Variants in USH2A observed in about 807,000 individuals in gnomAD.
USH2A encodes the protein Usher syndrome 2A (autosomal recessive, mild).
A neutral mutation model predicts 538.9 loss-of-function variants in USH2A; 443 were observed. That is an observed-to-expected ratio of 0.82 (90% confidence interval 0.76 to 0.89). The LOEUF (loss-of-function observed/expected upper bound fraction) is 0.89, where lower values mean the gene tolerates loss of function less well. USH2A is among the 40% of genes least tolerant of loss of function. USH2A has a pLI of 0.00. For missense variants in USH2A, 6,633 were observed against 6,324.8 expected (o/e 1.05, Z -1.65); for synonymous variants, 2,413 against 2,273.5 (o/e 1.06, Z -1.75).
chr1:216,140,568 C>A (rs755430773), intron 21 of USH2A, among the ~76,000 whole-genome samples: 1 of 152,184 alleles, frequency 6.6e-6, no homozygotes, highest in African/African-American at 2.4e-5. Flanking sequence ...CCAATTTGAT[C>A]TCATGTTTTG....
intron 3 of USH2A, among the ~76,000 whole-genome samples, chr1:216,388,757 A>G (rs1030511982): frequency 5.3e-5 from 8 of 152,364 alleles, no homozygotes; most frequent in Admixed American, 4.6e-4. Flanking sequence ...TCAGCAGTCC[A>G]ATAGCAACTT....
chr1:215,764,705 T>C (rs1320223318), intron 56 of USH2A, among the ~76,000 whole-genome samples: 5 of 152,144 alleles, frequency 3.3e-5, no homozygotes, highest in Non-Finnish European at 7.4e-5. Flanking sequence ...ACTTCGAAAA[T>C]GGCATTTTAT....
At chr1:215,797,914 C>G (rs933765787) in intron 50 of USH2A, among the ~76,000 whole-genome samples, 2 of 151,992 alleles carry the variant, frequency 1.3e-5, no homozygotes, top group East Asian at 1.9e-4. Context: ...TCTGATGGAT[C>G]TGGACAAAGT....
intron 35 of USH2A, among the ~76,000 whole-genome samples, chr1:215,982,987 G>A (rs752772252): frequency 6.6e-6 from 1 of 152,074 alleles, no homozygotes; most frequent in Non-Finnish European, 1.5e-5. Context: ...TTTTGTTCTT[G>A]TTGCCCAGGC....
intron 21 of USH2A, among the ~76,000 whole-genome samples, chr1:216,169,103 G>A (rs1053293553): frequency 2.0e-5 from 3 of 152,092 alleles, no homozygotes; most frequent in Non-Finnish European, 4.4e-5. Context: ...AGAACCCATT[G>A]AGTGGTTGCG....
At chr1:216,156,875 T>C (rs1364022854) in intron 21 of USH2A, among the ~76,000 whole-genome samples, 4 of 150,216 alleles carry the variant, frequency 2.7e-5, no homozygotes, top group Non-Finnish European at 5.9e-5. Context: ...CATACTTCTA[T>C]CTCTTTTTTT....
At position 215,634,577 on chromosome 1, in the gene USH2A, G is replaced by A; in HGVS notation, c.15179C>T (p.Ser5060Phe). The A allele has an allele frequency of 1.2e-6, 2 of 1,614,106 alleles. No homozygotes were observed. Among genetic ancestry groups the A allele is most frequent in the Non-Finnish European group, 1.7e-6 (2 of 1,180,024 alleles). The change falls in exon 70 of 72, where the codon TCC (serine) becomes TTC (phenylalanine). Residue 5060 changes from serine (S) to phenylalanine (F), a missense_variant. Coordinates refer to ENST00000307340, the MANE Select transcript of USH2A (RefSeq NM_206933.4). Reference protein sequence around the residue: ...LGLILLAIFLSLILQRKIHKE... With the variant: ...LGLILLAIFLFLILQRKIHKE... The stretch of plus-strand genomic sequence containing the variant: ...GTGGATTTTTCTTTGTAGTATCAGG[G>A]ACAGAAAAATGGCCAACAAGATCAA...
intron 21 of USH2A, among the ~76,000 whole-genome samples, chr1:216,144,941 A>G (rs2033666352): frequency 6.6e-6 from 1 of 152,172 alleles, no homozygotes; most frequent in Non-Finnish European, 1.5e-5. Flanking sequence ...ACTTTGAGCA[A>G]AATAGGAAAT....
chr1:216,326,354 G>C (rs181994537), intron 5 of USH2A, among the ~76,000 whole-genome samples: 2 of 152,278 alleles, frequency 1.3e-5, no homozygotes, highest in East Asian at 3.9e-4. Flanking sequence ...GAGAAACCAG[G>C]CTTTTCCTCT....
intron 3 of USH2A, among the ~76,000 whole-genome samples, chr1:216,404,625 T>TG (rs1404171729): frequency 6.7e-6 from 1 of 148,904 alleles, no homozygotes; most frequent in Non-Finnish European, 1.5e-5. Flanking sequence ...AGGCTTTTTT[T>TG]TTTTTTTTTT....
At chr1:215,698,802 T>G (rs917961356) in intron 61 of USH2A, among the ~76,000 whole-genome samples, 1 of 152,232 alleles carries the variant, frequency 6.6e-6, no homozygotes, top group African/African-American at 2.4e-5. Flanking sequence ...TAGTTTCTTT[T>G]GCTGTGCAGA....
rs1312252412 is a variant in USH2A, at chr1:215,675,494, A to T, written c.12417T>A (p.Gly4139=). 6.2e-7 allele frequency: 1 copy of T among 1,614,032 alleles called. No homozygotes were observed. The highest frequency in any genetic ancestry group is 1.1e-5 in the South Asian group (1 of 91,074). ...GAGGCTGAGGCGCCGAGTGTGCACAACCTGCTCTGGTGCAGGCCTCCAGGG... is the reference window on the plus strand; with the variant it reads ...GAGGCTGAGGCGCCGAGTGTGCACATCCTGCTCTGGTGCAGGCCTCCAGGG... The part of the protein sequence containing the change: ...TLTLEACTRA[G]CAHSAPQPLW... The change falls in exon 63 of 72, where the codon GGT becomes GGA. Residue 4139 remains glycine (G), a synonymous_variant. Coordinates refer to ENST00000307340, the MANE Select transcript of USH2A (RefSeq NM_206933.4).
At chr1:215,856,005 C>T (rs1490989341) in intron 44 of USH2A, among the ~76,000 whole-genome samples, 1 of 152,158 alleles carries the variant, frequency 6.6e-6, no homozygotes, top group African/African-American at 2.4e-5. Context: ...GAAACTAGAT[C>T]CTCATCTCTC....
chr1:215,971,251 G>A (rs1431396926), intron 35 of USH2A, among the ~76,000 whole-genome samples: 2 of 152,054 alleles, frequency 1.3e-5, no homozygotes, highest in Non-Finnish European at 2.9e-5. Flanking sequence ...TCTCTTCATA[G>A]CATTCCTATA....
chr1:215,964,301 G>A (rs575940145), intron 37 of USH2A, among the ~76,000 whole-genome samples: 1 of 152,202 alleles, frequency 6.6e-6, no homozygotes, highest in Admixed American at 6.6e-5. Context: ...TGAAAGCCCT[G>A]ATTGCATAAA....
chr1:215,835,164 C>CAAAAAAAAAAA, intron 47 of USH2A, among the ~76,000 whole-genome samples: 1 of 56,120 alleles, frequency 1.8e-5, no homozygotes, highest in Non-Finnish European at 3.1e-5. Flanking sequence ...AGTGATGCAC[C>CAAAAAAAAAAA]AAAAAAAAAA....
At chr1:215,912,517 A>G (rs556103963) in intron 38 of USH2A, among the ~76,000 whole-genome samples, 3,510 of 127,982 alleles carry the variant, frequency 0.027, 113 homozygotes, top group South Asian at 0.039. Context: ...ATATACGTGT[A>G]TATATATATA....
chr1:216,173,796 A>T lies in USH2A; in HGVS notation c.4627+1456T>A, dbSNP rs74658423. 8.5e-3 allele frequency: 2,194 copies of T among 258,342 alleles called. 54 individuals carry two copies. The highest frequency in any genetic ancestry group is 0.047 in the African/African-American group (2,054 of 43,418). The allele number at this position is 258,342 out of a possible 1,614,324, so 16.0% of individuals were successfully genotyped here. On this transcript the variant is annotated intron_variant, in intron 21 of 71. Coordinates refer to ENST00000307340, the MANE Select transcript of USH2A (RefSeq NM_206933.4). ...CCAAGCTGACATCCTTGCAGCAGCTATGCCCAGCTGAATGGAAACGGATGC... is the reference window on the plus strand; with the variant it reads ...CCAAGCTGACATCCTTGCAGCAGCTTTGCCCAGCTGAATGGAAACGGATGC...
intron 37 of USH2A, among the ~76,000 whole-genome samples, chr1:215,942,552 T>C (rs367787544): frequency 1.3e-5 from 2 of 152,094 alleles, no homozygotes; most frequent in South Asian, 4.1e-4. Context: ...CTAAATTAAG[T>C]GGTACCACAC....
Sources: gnomAD v4.1 joint callset for allele counts (sites outside exome capture counted in the v4.1 genomes callset) on GRCh38, gnomAD v4.1.1 for gene constraint, MANE v1.5 for transcripts, NCBI Gene and HGNC (gene_info 2026-07-23, HGNC 2026-07-21) for gene names.